TIPIN: variants seen among roughly 807,000 people sequenced by gnomAD.
The protein encoded by TIPIN is TIMELESS-interacting protein.
In TIPIN, 29 loss-of-function variants were observed where a neutral mutation model predicts 35.6. That is an observed-to-expected ratio of 0.82 (90% CI 0.61 to 1.11). TIPIN has a LOEUF of 1.11. Ranked by LOEUF, TIPIN falls within the 50% of genes most tolerant of loss-of-function variation. The pLI is 0.00. For synonymous variants in TIPIN, 102 were observed against 121.5 expected (o/e 0.84, Z 1.06); for missense variants, 296 against 345.4 (o/e 0.86, Z 1.13).
At chr15:66,351,830 G>A (rs1019879465) in intron 3 of TIPIN, among the ~76,000 whole-genome samples, 2 of 151,786 alleles carry the variant, frequency 1.3e-5, no homozygotes, top group Admixed American at 6.6e-5. Context: ...TAGTAGAGAC[G>A]GGGTTTCACC....
intron 1 of TIPIN, among the ~76,000 whole-genome samples, chr15:66,355,027 C>CTTTTTTT (rs747834289): frequency 8.9e-6 from 1 of 112,718 alleles, no homozygotes; most frequent in Non-Finnish European, 1.8e-5. Flanking sequence ...CAATATATAT[C>CTTTTTTT]TTTTTTTTTT....
At chr15:66,346,700 C>G (rs1276064939) in intron 6 of TIPIN, among the ~76,000 whole-genome samples, 2 of 152,212 alleles carry the variant, frequency 1.3e-5, no homozygotes, top group Non-Finnish European at 2.9e-5. Flanking sequence ...GAATTTAGAA[C>G]TGTAATAACT....
intron 4 of TIPIN, among the ~76,000 whole-genome samples, chr15:66,350,038 TACA>T (rs2140459465): frequency 6.6e-6 from 1 of 152,118 alleles, no homozygotes; most frequent in Non-Finnish European, 1.5e-5. Flanking sequence ...CTTGGCTCAC[TACA>T]ACCTCAGCCT....
At chr15:66,374,340 C>CTTTTTTTTTTTTTTTTTTTTTTTTTTTTT (rs1566986031) in intron 1 of TIPIN, among the ~76,000 whole-genome samples, 2 of 149,364 alleles carry the variant, frequency 1.3e-5, no homozygotes, top group African/African-American at 5.2e-5. Context: ...AGCATCTTTT[C>CTTTTTTTTTTTTTTTTTTTTTTTTTTTTT]ATATATTTAT....
chr15:66,351,017 T>G (rs978144280), intron 4 of TIPIN, among the ~76,000 whole-genome samples: 1 of 151,110 alleles, frequency 6.6e-6, no homozygotes, highest in African/African-American at 2.4e-5. Flanking sequence ...AAAAATATAC[T>G]ATCATCTGCA....
intron 7 of TIPIN, among the ~76,000 whole-genome samples, chr15:66,339,272 T>G (rs964889936): frequency 6.6e-6 from 1 of 150,648 alleles, no homozygotes; most frequent in Non-Finnish European, 1.5e-5. Context: ...TATCTAGTTA[T>G]TATAATTCTT....
At chr15:66,376,084 C>T (rs894616196) in intron 1 of TIPIN, among the ~76,000 whole-genome samples, 8 of 152,074 alleles carry the variant, frequency 5.3e-5, no homozygotes, top group Admixed American at 3.9e-4. Context: ...GGAGTGAGGC[C>T]TTGTCCCAAA....
intron 1 of TIPIN, among the ~76,000 whole-genome samples, chr15:66,364,219 G>GC (rs974094755): frequency 6.3e-4 from 81 of 128,028 alleles, no homozygotes; most frequent in African/African-American, 2.3e-3. Flanking sequence ...AGGCTGTAGT[G>GC]CAGCAATGCG....
At chr15:66,344,481 T>C (rs2093109943) in intron 6 of TIPIN, among the ~76,000 whole-genome samples, 1 of 151,292 alleles carries the variant, frequency 6.6e-6, no homozygotes, top group Non-Finnish European at 1.5e-5. Context: ...AACAAAGGTA[T>C]CTTCAGTAGT....
At chr15:66,386,706 AGAGGGCGCCACGGCGTCCGCGACG>A in exon 1 of TIPIN, 1 of 185,018 alleles carries the variant, frequency 5.4e-6, no homozygotes, top group African/African-American at 2.3e-5. Flanking sequence ...TCGGGGCGAC[AGAGGGCGCCACGGCGTCCGCGACG>A]GACCCCGCCC....
intron 6 of TIPIN, among the ~76,000 whole-genome samples, chr15:66,342,361 T>C (rs764940374): frequency 2.0e-5 from 3 of 152,148 alleles, no homozygotes; most frequent in Non-Finnish European, 4.4e-5. Context: ...GTAATTTTAA[T>C]ACATTTTATT....
rs769182311 is a variant in TIPIN, at chr15:66,341,235, T to G, written c.597A>C (p.Gln199His). 1 of 1,613,734 alleles carries G rather than the reference T, an allele frequency of 6.2e-7. No individual in the cohort carries two copies. Among genetic ancestry groups the G allele is most frequent in the Non-Finnish European group, 8.5e-7 (1 of 1,180,024 alleles). Residue 199 changes from glutamine to histidine, a missense_variant, in exon 7 of 8, where the codon CAA (glutamine) becomes CAC (histidine). By Grantham distance (24) the Gln-to-His change is conservative (BLOSUM62 0). Transcript: ENST00000261881. ...SELSRSLTEE[Q>H]QQRIERNKQL... is the part of the protein sequence containing the mutation. Reference sequence around the variant, plus strand: ...GTTTATTTCTCTCAATTCTTTGTTGTTGCTCTTCTGTTAGGCTTCTACTTA... The same window carrying G: ...GTTTATTTCTCTCAATTCTTTGTTGGTGCTCTTCTGTTAGGCTTCTACTTA...
chr15:66,342,186 C>CAAAAAAAAAAAAAAAAAAAAAAA (rs55711983), intron 6 of TIPIN, among the ~76,000 whole-genome samples: 8 of 108,518 alleles, frequency 7.4e-5, no homozygotes, highest in African/African-American at 2.3e-4. Context: ...AAGACTGTCT[C>CAAAAAAAAAAAAAAAAAAAAAAA]AAAAAAAAAA....
chr15:66,348,936 T>C, intron 6 of TIPIN, 124 bp downstream of exon 6: 2 of 722,044 alleles, frequency 2.8e-6, no homozygotes, highest in South Asian at 3.7e-5. Context: ...CAGAGCAAGA[T>C]TCTGTCCCTA....
intron 7 of TIPIN, among the ~76,000 whole-genome samples, chr15:66,338,813 CAAAAAAAAAAA>C (rs35966273): frequency 5.7e-5 from 2 of 35,292 alleles, no homozygotes; most frequent in African/African-American, 1.3e-4. Context: ...GACTCCGTCT[CAAAAAAAAAAA>C]AAAAAAAAAA....
intron 1 of TIPIN, among the ~76,000 whole-genome samples, chr15:66,365,365 T>C (rs559822156): frequency 2.0e-5 from 3 of 152,266 alleles, no homozygotes; most frequent in African/African-American, 7.2e-5. Context: ...AGTTTACAAA[T>C]GCCATGAAAA....
At chr15:66,370,140 G>A (rs963166529) in intron 1 of TIPIN, among the ~76,000 whole-genome samples, 1 of 152,058 alleles carries the variant, frequency 6.6e-6, no homozygotes, top group Non-Finnish European at 1.5e-5. Flanking sequence ...AGCTGCCCTC[G>A]AGGAAGCTGG....
chr15:66,357,753 C>A (rs62626353), upstream of TIPIN, among the ~76,000 whole-genome samples: 465 of 152,138 alleles, frequency 3.1e-3, 3 homozygotes, highest in Middle Eastern at 0.014. Context: ...GTCAGGAATT[C>A]GAGACCAGCC....
chr15:66,383,981 T>C (rs2093327280), intron 1 of TIPIN, among the ~76,000 whole-genome samples: 1 of 152,036 alleles, frequency 6.6e-6, no homozygotes, highest in Non-Finnish European at 1.5e-5. Flanking sequence ...CAATAAAATT[T>C]ATTTTTATTT....
Sources: gnomAD v4.1 joint callset for allele counts (sites outside exome capture counted in the v4.1 genomes callset) on GRCh38, gnomAD v4.1.1 for gene constraint, MANE v1.5 for transcripts, NCBI Gene and HGNC (gene_info 2026-07-23, HGNC 2026-07-21) for gene names.